Variants in RNF13 observed in about 807,000 individuals in gnomAD.
The protein encoded by RNF13 is ring finger protein 13.
RNF13 carries 19 observed loss-of-function variants against 37.7 expected under a neutral mutation model. That is an observed-to-expected ratio of 0.50 (90% confidence interval 0.35 to 0.74). The LOEUF (loss-of-function observed/expected upper bound fraction) is 0.74. RNF13 is among the 30% of genes least tolerant of loss of function. The probability of loss-of-function intolerance (pLI) is 0.01; values close to 1 mark genes in which losing one functional copy is unlikely to be tolerated. For synonymous variants in RNF13, 144 were observed against 157.8 expected (o/e 0.91, Z 0.65); for missense variants, 375 against 453.0 (o/e 0.83, Z 1.56).
In RNF13 at chr3:149,942,264, A is replaced by G. The variant is rs537405303; in HGVS notation, c.701-17792A>G. On this transcript the variant is annotated intron_variant, in intron 8 of 9. Transcript: ENST00000392894. ...TCATTGGTATTTTGATAAGAATTACATTGAATCTGTAGATCACTGTGGGTA... is the reference window on the plus strand; with the variant it reads ...TCATTGGTATTTTGATAAGAATTACGTTGAATCTGTAGATCACTGTGGGTA... Among the ~76,000 whole-genome samples, 3 of 152,278 alleles carry G rather than the reference A, an allele frequency of 2.0e-5. No homozygotes were observed. In the South Asian group the frequency reaches 6.2e-4, roughly 32 times the overall value.
At chr3:149,923,836 A>T (rs533378473) in intron 8 of RNF13, among the ~76,000 whole-genome samples, 2 of 151,994 alleles carry the variant, frequency 1.3e-5, no homozygotes, top group African/African-American at 4.8e-5. Flanking sequence ...AAAACATGTC[A>T]TTGGCTTTTC....
In RNF13 at chr3:149,961,559, A is replaced by C. The variant is rs538935188; in HGVS notation, c.*455A>C. 14 of 309,042 alleles carry C rather than the reference A, an allele frequency of 4.5e-5. 1 individual carries two copies. The highest frequency in any genetic ancestry group is 2.7e-4 in the South Asian group (10 of 36,494). 19.1% of individuals were successfully genotyped at this position (309,042 alleles called of 1,614,324 possible). A position where few individuals can be genotyped will look rare whatever the true frequency, so the allele number is the denominator to read the frequency against. ...ACCTGACCTGCCAATCATTAGGGAGAGGCAACAAGGTAATTCAGCCTTTCC... is the reference window on the plus strand; with the variant it reads ...ACCTGACCTGCCAATCATTAGGGAGCGGCAACAAGGTAATTCAGCCTTTCC... On this transcript the variant is annotated 3_prime_UTR_variant, in exon 10 of 10. Transcript: ENST00000392894.
At chr3:149,832,701 C>T (rs1044720915) in intron 1 of RNF13, among the ~76,000 whole-genome samples, 2 of 152,030 alleles carry the variant, frequency 1.3e-5, no homozygotes, top group African/African-American at 4.8e-5. Context: ...AAAGAGGGGA[C>T]ACAACTACCA....
rs186229705 is a variant in RNF13 at position 149,892,132 on chromosome 3, T to G, written c.322-3341T>G. Among the ~76,000 whole-genome samples, 5 of 152,352 alleles carry G rather than the reference T, an allele frequency of 3.3e-5. No homozygotes were observed. The East Asian group carries it at 9.6e-4, about 29-fold the overall frequency. On this transcript the variant is annotated intron_variant, in intron 4 of 9. Coordinates refer to ENST00000392894, the MANE Select transcript of RNF13 (RefSeq NM_183381.3). ...ATCTATTTTTTGGAGATCACACTTA[T>G]GCCTACAGAATTTCTTCCCATTTTA...
chr3:149,904,532 CT>C (rs1011562884), intron 6 of RNF13, among the ~76,000 whole-genome samples: 3 of 151,994 alleles, frequency 2.0e-5, no homozygotes, highest in Non-Finnish European at 4.4e-5. Flanking sequence ...CAGGCGAATT[CT>C]TTTTTTAAAA....
At chr3:149,834,278 C>T (rs1259112251) in intron 1 of RNF13, among the ~76,000 whole-genome samples, 1 of 152,196 alleles carries the variant, frequency 6.6e-6, no homozygotes, top group Non-Finnish European at 1.5e-5. Context: ...TATATGGAAT[C>T]TCAAGGGACC....
chr3:149,859,651 G>C (rs1257844643), intron 3 of RNF13, among the ~76,000 whole-genome samples: 1 of 151,894 alleles, frequency 6.6e-6, no homozygotes, highest in Non-Finnish European at 1.5e-5. Context: ...GTTCAATATA[G>C]CTAATTTTTT....
chr3:149,878,579 TA>T (rs1713021395), intron 4 of RNF13, among the ~76,000 whole-genome samples: 1 of 152,224 alleles, frequency 6.6e-6, no homozygotes, highest in Non-Finnish European at 1.5e-5. Flanking sequence ...ATCCAATAGA[TA>T]AAATTAATGA....
intron 2 of RNF13, among the ~76,000 whole-genome samples, chr3:149,847,778 C>T (rs577726498): frequency 6.6e-5 from 10 of 152,250 alleles, no homozygotes; most frequent in African/African-American, 2.2e-4. Context: ...ATAAACTTCT[C>T]CTTGTCTCCT....
chr3:149,860,269 AAATATATATATATATATATAT>A (rs1330715923), intron 3 of RNF13, among the ~76,000 whole-genome samples: 4 of 100,332 alleles, frequency 4.0e-5, no homozygotes, highest in Non-Finnish European at 8.2e-5. Flanking sequence ...AAAAAAAAAA[AAATATATATATATATATATAT>A]ATATATATAT....
chr3:149,836,623 T>TA lies in RNF13; in HGVS notation c.-16-9376dup, dbSNP rs34293523. On this transcript the variant is annotated intron_variant, in intron 1 of 9. Transcript: ENST00000392894. ...TTTGGAAAATGGTATGGCAGTTCTTTAAAAAAAAAAAATCAAACGTAGAAT... is the reference window on the plus strand; with the variant it reads ...TTTGGAAAATGGTATGGCAGTTCTTTAAAAAAAAAAAAATCAAACGTAGAAT... Among the ~76,000 whole-genome samples the TA allele has an allele frequency of 8.1e-3, 1,184 of 146,204 alleles. 11 individuals carry two copies. Among genetic ancestry groups the TA allele is most frequent in the African/African-American group, 0.023 (908 of 40,070 alleles).
chr3:149,900,097 G>C (rs562427846), intron 5 of RNF13, among the ~76,000 whole-genome samples: 3 of 152,190 alleles, frequency 2.0e-5, no homozygotes, highest in Non-Finnish European at 4.4e-5. Flanking sequence ...TTTCAAGATG[G>C]CTACTCATAT....
chr3:149,960,638 C>G, intron 9 of RNF13, 102 bp from the exon 10 acceptor site: 1 of 1,142,378 alleles, frequency 8.8e-7, no homozygotes, highest in African/African-American at 1.6e-5. Context: ...CTTCCCGTCC[C>G]TACATGATAC....
chr3:149,885,355 C>G (rs1162564079), intron 4 of RNF13, among the ~76,000 whole-genome samples: 1 of 152,102 alleles, frequency 6.6e-6, no homozygotes. Context: ...CAACAGTGTA[C>G]AGGGTTCCCT....
At chr3:149,840,505 T>C (rs1722070187) in intron 1 of RNF13, among the ~76,000 whole-genome samples, 1 of 152,224 alleles carries the variant, frequency 6.6e-6, no homozygotes, top group South Asian at 2.1e-4. Flanking sequence ...GATTTTTTTC[T>C]ATGTTTTCTC....
chr3:149,887,526 C>G (rs1320061571), intron 4 of RNF13, among the ~76,000 whole-genome samples: 2 of 152,244 alleles, frequency 1.3e-5, no homozygotes, highest in East Asian at 3.9e-4. Flanking sequence ...TCTTCAGTTC[C>G]TGGAATCAAA....
At chr3:149,927,554 T>C (rs531222944) in intron 8 of RNF13, among the ~76,000 whole-genome samples, 1 of 152,354 alleles carries the variant, frequency 6.6e-6, no homozygotes, top group South Asian at 2.1e-4. Flanking sequence ...CTTCCACAGT[T>C]ACTGTACCAT....
rs1456115424 is a variant in RNF13, at chr3:149,906,438, A to G, written c.500+4276A>G. Among the ~76,000 whole-genome samples, 8 of 152,126 alleles carry G rather than the reference A, an allele frequency of 5.3e-5. 1 individual carries two copies. The South Asian group carries it at 8.3e-4, about 16-fold the overall frequency. The stretch of plus-strand genomic sequence containing the variant: ...ACTTTTTCCCAAAGTGCCTTCACCA[A>G]TTTATATTCACACCAGCAATGTATG... On this transcript the variant is annotated intron_variant, in intron 6 of 9. Transcript: ENST00000392894.
Position 149,961,272 on chromosome 3 carries a change from G to A in RNF13, c.*168G>A. ...TTTTGATCTGGTATTTATCTGCCAAGAATATACTTCATTCACTAATAATAG... is the reference window on the plus strand; with the variant it reads ...TTTTGATCTGGTATTTATCTGCCAAAAATATACTTCATTCACTAATAATAG... On this transcript the variant is annotated 3_prime_UTR_variant, in exon 10 of 10. Coordinates refer to ENST00000392894, the MANE Select transcript of RNF13 (RefSeq NM_183381.3). 1 of 683,904 alleles carries A rather than the reference G, an allele frequency of 1.5e-6. No homozygotes were observed. The highest frequency in any genetic ancestry group is 1.7e-5 in the South Asian group (1 of 60,106). 42.4% of individuals were successfully genotyped at this position (683,904 alleles called of 1,614,324 possible).
Sources: allele counts gnomAD v4.1 joint callset (sites outside exome capture counted in the v4.1 genomes callset), GRCh38; gene constraint gnomAD v4.1.1; transcripts MANE v1.5; gene names NCBI Gene and HGNC (gene_info 2026-07-23, HGNC 2026-07-21).